Variants in SGPP2 observed in about 807,000 individuals in gnomAD.
SGPP2 encodes the protein sphingosine 1-phosphate phosphohydrolase 2.
A neutral mutation model predicts 33.9 loss-of-function variants in SGPP2; 30 were observed. That is an observed-to-expected ratio of 0.89 (90% confidence interval 0.66 to 1.20). SGPP2 has a LOEUF of 1.20. SGPP2 is among the 50% of genes most tolerant of loss of function. The pLI is 0.00. For missense variants in SGPP2, 458 were observed against 532.1 expected (o/e 0.86, Z 1.37); for synonymous variants, 233 against 225.0 (o/e 1.04, Z -0.32).
intron 2 of SGPP2, among the ~76,000 whole-genome samples, chr2:222,485,952 A>T (rs1239504947): frequency 6.6e-6 from 1 of 152,236 alleles, no homozygotes; most frequent in East Asian, 1.9e-4. Flanking sequence ...TGCAGTCTTT[A>T]ACTTAACTGC....
Position 222,449,181 on chromosome 2 carries a change from G to A in SGPP2, c.219+24360G>A, listed in dbSNP as rs1052116608. ...TCTCTCCCTTTCTACCCATCTGGTC[G>A]TTGAAACCAAATGAACCTTCTCTAA... is the stretch of plus-strand genomic sequence containing the variant. On this transcript the variant is annotated intron_variant, in intron 1 of 4. Transcript: ENST00000321276. 2.6e-5 allele frequency among the ~76,000 whole-genome samples: 4 copies of A among 152,250 alleles called. 1 individual carries two copies. The South Asian group carries it at 6.2e-4, about 24-fold the overall frequency.
intron 2 of SGPP2, among the ~76,000 whole-genome samples, chr2:222,480,050 T>C (rs1428695610): frequency 6.6e-6 from 1 of 152,180 alleles, no homozygotes; most frequent in Non-Finnish European, 1.5e-5. Context: ...TAAAGAGATA[T>C]TGAGGATGAT....
intron 4 of SGPP2, among the ~76,000 whole-genome samples, chr2:222,553,064 C>G (rs1391188689): frequency 6.6e-6 from 1 of 152,166 alleles, no homozygotes; most frequent in African/African-American, 2.4e-5. Flanking sequence ...GCTGATCAGA[C>G]CCTATAATCA....
At chr2:222,499,547 T>C (rs1281643715) in intron 2 of SGPP2, among the ~76,000 whole-genome samples, 1 of 152,020 alleles carries the variant, frequency 6.6e-6, no homozygotes, top group Non-Finnish European at 1.5e-5. Flanking sequence ...GGAGAAACCT[T>C]ATAATGAAGC....
At position 222,560,687 on chromosome 2, in the gene SGPP2, T is replaced by C. The variant is rs1199058223; in HGVS notation, c.*1789T>C. ...GCATACTCTAGAAAAAAAAATAGCT[T>C]CCTTAAAAGTTACAGAGGCTCTTAA... On this transcript the variant is annotated 3_prime_UTR_variant, in exon 5 of 5. Coordinates refer to ENST00000321276, the MANE Select transcript of SGPP2 (RefSeq NM_152386.4). 1 of 152,196 alleles carries C rather than the reference T, an allele frequency of 6.6e-6. No individual in the cohort carries two copies. Among genetic ancestry groups the C allele is most frequent in the African/African-American group, 2.4e-5 (1 of 41,446 alleles). 9.4% of individuals were successfully genotyped at this position (152,196 alleles called of 1,614,324 possible). A position where few individuals can be genotyped will look rare whatever the true frequency, so the allele number is the denominator to read the frequency against.
intron 2 of SGPP2, among the ~76,000 whole-genome samples, chr2:222,478,170 G>C (rs1697976516): frequency 6.8e-6 from 1 of 147,700 alleles, no homozygotes; most frequent in South Asian, 2.1e-4. Context: ...ATTCCAAGGG[G>C]CGAGAGGGAG....
chr2:222,519,814 G>T (rs1302200433), intron 2 of SGPP2, among the ~76,000 whole-genome samples: 2 of 152,122 alleles, frequency 1.3e-5, no homozygotes, highest in African/African-American at 4.8e-5. Flanking sequence ...TTGTCCTCCA[G>T]CTCCATCCAT....
Position 222,493,573 on chromosome 2 carries a change from C to T in SGPP2, c.378+18847C>T, listed in dbSNP as rs529474771. ...CTGGTCTCTCACTCCTAGACTACAGCAGTCCTCCCGCCTTGGCCTCCCAAA... is the reference window on the plus strand; with the variant it reads ...CTGGTCTCTCACTCCTAGACTACAGTAGTCCTCCCGCCTTGGCCTCCCAAA... On this transcript the variant is annotated intron_variant, in intron 2 of 4. Coordinates refer to ENST00000321276, the MANE Select transcript of SGPP2 (RefSeq NM_152386.4). 9.9e-4 allele frequency among the ~76,000 whole-genome samples: 151 copies of T among 152,326 alleles called. 1 individual carries two copies. The Middle Eastern group carries it at 0.014, about 14-fold the overall frequency.
upstream of SGPP2, chr2:222,424,436 C>T (rs533699484): frequency 2.0e-4 from 46 of 225,714 alleles, no homozygotes; most frequent in East Asian, 5.4e-3. Context: ...GACACCTGGG[C>T]GGGCGCTAGG....
intron 2 of SGPP2, among the ~76,000 whole-genome samples, chr2:222,490,955 C>T (rs531712670): frequency 1.3e-5 from 2 of 152,282 alleles, no homozygotes; most frequent in African/African-American, 2.4e-5. Context: ...TCTTCCTAAA[C>T]TGTGTCTTGG....
intron 1 of SGPP2, among the ~76,000 whole-genome samples, chr2:222,427,575 G>T (rs1359344062): frequency 6.6e-6 from 1 of 151,986 alleles, no homozygotes; most frequent in East Asian, 1.9e-4. Flanking sequence ...ACTGTGACTG[G>T]CGATGTTTCG....
intron 2 of SGPP2, among the ~76,000 whole-genome samples, chr2:222,495,339 A>G (rs1402567283): frequency 1.3e-5 from 2 of 151,916 alleles, no homozygotes; most frequent in Non-Finnish European, 2.9e-5. Context: ...ACCTGAGCTC[A>G]GGAGGTTGAG....
chr2:222,449,220 G>A (rs1326982203), intron 1 of SGPP2, among the ~76,000 whole-genome samples: 1 of 152,138 alleles, frequency 6.6e-6, no homozygotes, highest in East Asian at 1.9e-4. Flanking sequence ...ATTGAGGGTG[G>A]GGCTGCTATT....
intron 2 of SGPP2, among the ~76,000 whole-genome samples, chr2:222,494,335 G>A (rs1305398600): frequency 6.6e-6 from 1 of 152,244 alleles, no homozygotes; most frequent in Non-Finnish European, 1.5e-5. Flanking sequence ...TTTGACAGGA[G>A]GAAATGAAGA....
intron 1 of SGPP2, among the ~76,000 whole-genome samples, chr2:222,442,214 A>G (rs573224205): frequency 6.6e-6 from 1 of 152,250 alleles, no homozygotes; most frequent in Admixed American, 6.5e-5. Context: ...TTTGGCATGT[A>G]TCTTCTGTTG....
At chr2:222,434,313 T>G (rs1001112206) in intron 1 of SGPP2, among the ~76,000 whole-genome samples, 1 of 152,228 alleles carries the variant, frequency 6.6e-6, no homozygotes, top group East Asian at 1.9e-4. Flanking sequence ...CACATAATAA[T>G]TGTATATGTT....
intron 4 of SGPP2, among the ~76,000 whole-genome samples, chr2:222,528,768 C>T (rs891689124): frequency 2.0e-5 from 3 of 152,016 alleles, no homozygotes; most frequent in Non-Finnish European, 4.4e-5. Context: ...AGGCATGCAC[C>T]ACCACATCTG....
In SGPP2 at chr2:222,558,925, C is replaced by A. The variant is rs967672296; in HGVS notation, c.*27C>A. ...TCTCAAACAGTTGGAAACTAGCCCACTGGACATGAAAGCCAAGACATAGGA... is the reference window on the plus strand; with the variant it reads ...TCTCAAACAGTTGGAAACTAGCCCAATGGACATGAAAGCCAAGACATAGGA... On this transcript the variant is annotated 3_prime_UTR_variant, in exon 5 of 5. Coordinates refer to ENST00000321276, the MANE Select transcript of SGPP2 (RefSeq NM_152386.4). 8 of 1,585,942 alleles carry A rather than the reference C, an allele frequency of 5.0e-6. No homozygotes were observed. The highest frequency in any genetic ancestry group is 1.1e-5 in the South Asian group (1 of 89,240).
At chr2:222,447,408 G>T (rs1697413944) in intron 1 of SGPP2, among the ~76,000 whole-genome samples, 1 of 152,174 alleles carries the variant, frequency 6.6e-6, no homozygotes, top group Non-Finnish European at 1.5e-5. Flanking sequence ...CAAGCCACAA[G>T]AAAGTGGGTA....
Sources: gnomAD v4.1 joint callset for allele counts (sites outside exome capture counted in the v4.1 genomes callset) on GRCh38, gnomAD v4.1.1 for gene constraint, MANE v1.5 for transcripts, NCBI Gene and HGNC (gene_info 2026-07-23, HGNC 2026-07-21) for gene names.